Variants in GLIS3 observed in about 807,000 individuals in gnomAD.
GLIS3 encodes GLIS family zinc finger 3.
A neutral mutation model predicts 78.6 loss-of-function variants in GLIS3; 53 were observed. The ratio of observed to expected loss-of-function variants is 0.67; its 90% CI spans 0.54 to 0.85. GLIS3 has a LOEUF of 0.85. GLIS3 is among the 40% of genes least tolerant of loss of function. The probability of loss-of-function intolerance (pLI) is 0.00; values close to 1 mark genes in which losing one functional copy is unlikely to be tolerated. For synonymous variants in GLIS3, 684 were observed against 509.9 expected (o/e 1.34, Z -4.60); for missense variants, 1,703 against 1,231.1 (o/e 1.38, Z -5.74).
chr9:4,346,420 T>A (rs558611835), intron 2 of GLIS3, among the ~76,000 whole-genome samples: 13 of 152,280 alleles, frequency 8.5e-5, no homozygotes, highest in Non-Finnish European at 1.5e-4. Flanking sequence ...TAAAACTCAT[T>A]GATTAAAAGG....
At chr9:3,906,674 C>T (rs892212358) in intron 6 of GLIS3, among the ~76,000 whole-genome samples, 1 of 152,182 alleles carries the variant, frequency 6.6e-6, no homozygotes, top group African/African-American at 2.4e-5. Context: ...ATTTCTGCCT[C>T]AGGCTCTCGT....
At position 3,960,420 on chromosome 9, in the gene GLIS3, T is replaced by C. The variant is rs369574608; in HGVS notation, c.1711-23231A>G. ...ACTAATTCATCTGCCACATTTTCTATGTATTTCTCCTACAGCATTTGCCAC... is the reference window on the plus strand; with the variant it reads ...ACTAATTCATCTGCCACATTTTCTACGTATTTCTCCTACAGCATTTGCCAC... On this transcript the variant is annotated intron_variant, in intron 4 of 10. Coordinates refer to ENST00000381971, the MANE Select transcript of GLIS3 (RefSeq NM_001042413.2). Among the ~76,000 whole-genome samples the C allele has an allele frequency of 5.3e-5, 8 of 152,346 alleles. No homozygotes were observed. In the South Asian group the frequency reaches 1.7e-3, roughly 32 times the overall value.
the GLIS3 span, among the ~76,000 whole-genome samples, chr9:4,381,328 T>G: frequency 5.3e-5 from 8 of 152,214 alleles, no homozygotes; most frequent in African/African-American, 1.9e-4. Flanking sequence ...GCTTGCAGTA[T>G]TTTCATGATT....
At chr9:4,103,698 C>T (rs1830547799) in intron 4 of GLIS3, among the ~76,000 whole-genome samples, 2 of 152,138 alleles carry the variant, frequency 1.3e-5, no homozygotes, top group African/African-American at 4.8e-5. Flanking sequence ...TGTATGGATA[C>T]TGTTTTTAAT....
intron 4 of GLIS3, among the ~76,000 whole-genome samples, chr9:4,070,576 G>C (rs919099393): frequency 6.6e-6 from 1 of 152,086 alleles, no homozygotes; most frequent in Non-Finnish European, 1.5e-5. Flanking sequence ...AAGCGAGAGA[G>C]AAAGGAGGGT....
chr9:4,115,340 C>T (rs1226569432), intron 4 of GLIS3, among the ~76,000 whole-genome samples: 1 of 152,140 alleles, frequency 6.6e-6, no homozygotes, highest in African/African-American at 2.4e-5. Flanking sequence ...GGTCACTTCG[C>T]ATTTCCAAAA....
chr9:3,998,615 T>A (rs1443410392), intron 4 of GLIS3, among the ~76,000 whole-genome samples: 1 of 151,672 alleles, frequency 6.6e-6, no homozygotes, highest in Non-Finnish European at 1.5e-5. Flanking sequence ...TTCAGAGCAC[T>A]ATGCTTAAAA....
the GLIS3 span, among the ~76,000 whole-genome samples, chr9:4,484,194 T>C: frequency 4.3e-3 from 661 of 152,226 alleles, 2 homozygotes; most frequent in Non-Finnish European, 7.0e-3. Flanking sequence ...CTCTAAGCTA[T>C]CCTTGTTCAT....
In GLIS3 at chr9:3,985,583, T is replaced by C. The variant is rs12683331; in HGVS notation, c.1711-48394A>G. On this transcript the variant is annotated intron_variant, in intron 4 of 10. Transcript: ENST00000381971. ...CAGATGTTTGCTCCTCTCTAGAATG[T>C]CATCTTCTACCACAGATTGTGTAGA... Among the ~76,000 whole-genome samples the C allele has an allele frequency of 1.3e-3, 197 of 152,346 alleles. 2 individuals carry two copies. Among genetic ancestry groups the C allele is most frequent in the East Asian group, 0.012 (63 of 5,184 alleles).
At chr9:4,048,593 C>T (rs1178309179) in intron 4 of GLIS3, among the ~76,000 whole-genome samples, 1 of 152,084 alleles carries the variant, frequency 6.6e-6, no homozygotes, top group Admixed American at 6.6e-5. Context: ...AAGCCAATGA[C>T]CTAATGAAGA....
intron 2 of GLIS3, among the ~76,000 whole-genome samples, chr9:4,257,513 T>A (rs1315129728): frequency 6.6e-6 from 1 of 152,170 alleles, no homozygotes; most frequent in Non-Finnish European, 1.5e-5. Context: ...GAAAGAAAGG[T>A]AACTATATAA....
chr9:4,222,463 G>C (rs910362171), intron 2 of GLIS3, among the ~76,000 whole-genome samples: 1 of 152,146 alleles, frequency 6.6e-6, no homozygotes, highest in African/African-American at 2.4e-5. Flanking sequence ...CTATCCCCCT[G>C]TGTTTACCTG....
intron 2 of GLIS3, among the ~76,000 whole-genome samples, chr9:4,247,253 G>A (rs1364077753): frequency 1.3e-5 from 2 of 152,136 alleles, no homozygotes; most frequent in Non-Finnish European, 2.9e-5. Context: ...TCAAGCAGTT[G>A]TTTTAAGGGG....
At chr9:3,851,169 G>A (rs993658175) in intron 9 of GLIS3, among the ~76,000 whole-genome samples, 3 of 152,118 alleles carry the variant, frequency 2.0e-5, no homozygotes, top group African/African-American at 4.8e-5. Context: ...AGTGAATAGG[G>A]TATTTAGAAA....
At chr9:3,952,429 C>A (rs1257118161) in intron 4 of GLIS3, among the ~76,000 whole-genome samples, 1 of 152,112 alleles carries the variant, frequency 6.6e-6, no homozygotes, top group Admixed American at 6.5e-5. Flanking sequence ...ACAATTTGCA[C>A]CTTCTTTGCA....
chr9:4,172,949 A>G (rs1806432364), intron 2 of GLIS3, among the ~76,000 whole-genome samples: 1 of 152,192 alleles, frequency 6.6e-6, no homozygotes, highest in Non-Finnish European at 1.5e-5. Context: ...CGATTTTCCG[A>G]GAAAAGCCAA....
intron 4 of GLIS3, among the ~76,000 whole-genome samples, chr9:3,944,595 G>A (rs1412864708): frequency 6.6e-6 from 1 of 152,184 alleles, no homozygotes; most frequent in African/African-American, 2.4e-5. Context: ...TTGTTTATTA[G>A]CACTGATTTC....
Position 4,059,106 on chromosome 9 carries a change from G to A in GLIS3, c.1710+58662C>T, listed in dbSNP as rs559522480. On this transcript the variant is annotated intron_variant, in intron 4 of 10. Transcript: ENST00000381971. ...TGATCTAGGTCTGAGTGTTACTGCA[G>A]CTTTAATCAGATTCAAATCACCACT... 4.7e-3 allele frequency among the ~76,000 whole-genome samples: 721 copies of A among 152,268 alleles called. 5 individuals are homozygous for A. The highest frequency in any genetic ancestry group is 0.013 in the African/African-American group (550 of 41,548).
At chr9:4,300,446 C>T (rs896343867), upstream of GLIS3, among the ~76,000 whole-genome samples, 1 of 152,054 alleles carries the variant, frequency 6.6e-6, no homozygotes, top group African/African-American at 2.4e-5. Flanking sequence ...GAGAATAACA[C>T]AGTGAAAAAT....
Sources: gnomAD v4.1 joint callset for allele counts (sites outside exome capture counted in the v4.1 genomes callset) on GRCh38, gnomAD v4.1.1 for gene constraint, MANE v1.5 for transcripts, NCBI Gene and HGNC (gene_info 2026-07-23, HGNC 2026-07-21) for gene names.